Variants in CUX2 observed in about 807,000 individuals in gnomAD.
The protein encoded by CUX2 is homeobox protein cut-like 2.
A neutral mutation model predicts 144.8 loss-of-function variants in CUX2; 40 were observed. The observed-to-expected ratio is 0.28, with a 90% CI of 0.21 to 0.36. The LOEUF (loss-of-function observed/expected upper bound fraction) is 0.36. CUX2 is among the 10% of genes least tolerant of loss of function. CUX2 has a pLI of 1.00. For missense variants in CUX2, 1,615 were observed against 1,994.0 expected (o/e 0.81, Z 3.62); for synonymous variants, 827 against 875.6 (o/e 0.94, Z 0.98).
chr12:111,345,693 G>A (rs1447075611), intron 21 of CUX2, among the ~76,000 whole-genome samples: 2 of 137,576 alleles, frequency 1.5e-5, no homozygotes, highest in East Asian at 2.1e-4. Flanking sequence ...CCAAGATCGC[G>A]CCACTGCACT....
intron 18 of CUX2, among the ~76,000 whole-genome samples, chr12:111,328,065 A>G (rs1301816534): frequency 3.3e-5 from 5 of 152,014 alleles, no homozygotes; most frequent in East Asian, 1.9e-4. Flanking sequence ...CTCAAAAACA[A>G]TAATAATAAT....
In CUX2 at chr12:111,186,108, G is replaced by A. The variant is rs984797525; in HGVS notation, c.64-28092G>A. ...CTGCCCTCGCCCCCTTTCTGTCTCC[G>A]TCTCACTAGATTTCGCTTTCACGTC... On this transcript the variant is annotated intron_variant, in intron 1 of 21. Transcript: ENST00000261726. This position sits in a 1 kb window ranked among gnomAD's most constrained non-coding sequence, Gnocchi z 4.4. Among the ~76,000 whole-genome samples, 3 of 149,320 alleles carry A rather than the reference G, an allele frequency of 2.0e-5. No homozygotes were observed. The highest frequency in any genetic ancestry group is 4.4e-5 in the Non-Finnish European group (3 of 67,688).
intron 1 of CUX2, among the ~76,000 whole-genome samples, chr12:111,196,570 G>A (rs1050562043): frequency 1.3e-5 from 2 of 152,142 alleles, no homozygotes; most frequent in African/African-American, 4.8e-5. Flanking sequence ...ACTGGAGCTT[G>A]AAGAAATGAA....
chr12:111,115,665 T>G (rs1381789942), intron 1 of CUX2, among the ~76,000 whole-genome samples: 1 of 152,172 alleles, frequency 6.6e-6, no homozygotes, highest in Non-Finnish European at 1.5e-5. Context: ...AGGTGCCAGT[T>G]TAAGTGTTAT....
intron 16 of CUX2, among the ~76,000 whole-genome samples, chr12:111,313,411 G>A (rs1196899042): frequency 6.6e-5 from 10 of 151,146 alleles, no homozygotes; most frequent in African/African-American, 9.7e-5. Context: ...AGGCCGAGGC[G>A]GGCGGATCAC....
chr12:111,081,108 C>T (rs1330957433), intron 1 of CUX2, among the ~76,000 whole-genome samples: 1 of 152,128 alleles, frequency 6.6e-6, no homozygotes, highest in East Asian at 1.9e-4. Flanking sequence ...ACCCAGGCCT[C>T]AGCCCTCACC....
intron 1 of CUX2, among the ~76,000 whole-genome samples, chr12:111,038,059 T>G (rs916280040): frequency 3.3e-5 from 5 of 152,224 alleles, no homozygotes; most frequent in African/African-American, 1.2e-4. Flanking sequence ...CCAAGGAGTT[T>G]GGAGAAACTT....
chr12:111,044,429 G>C, intron 1 of CUX2, among the ~76,000 whole-genome samples: 1 of 150,418 alleles, frequency 6.6e-6, no homozygotes, highest in East Asian at 2.0e-4. Context: ...CCTCCTTGCT[G>C]TGCCTCAAAC....
chr12:111,310,322 G>A lies in CUX2; in HGVS notation c.1540G>A (p.Ala514Thr), dbSNP rs750912919. 10 of 1,511,088 alleles carry A rather than the reference G, an allele frequency of 6.6e-6. No individual in the cohort carries two copies. In the East Asian group the frequency reaches 7.2e-5, roughly 11 times the overall value. The allele number at this position is 1,511,088 out of a possible 1,614,324, so 93.6% of individuals were successfully genotyped here. The change falls in exon 15 of 22, where the codon GCC becomes ACC. Residue 514 changes from alanine to threonine, a missense_variant. This residue lies in a region of CUX2 where 154 missense variants were observed against 148.4 expected (regional missense o/e 1.04). Coordinates refer to ENST00000261726, the MANE Select transcript of CUX2 (RefSeq NM_015267.4). This position sits in a 1 kb window ranked among gnomAD's most constrained non-coding sequence, Gnocchi z 7.9. ...LLVFPPAFYG[A>T]KPPTAPATPA... ...GGTGTTCCCCCCAGCCTTCTATGGC[G>A]CCAAGCCCCCCACAGCCCCTGCCAC...
At chr12:111,296,569 T>TC in intron 8 of CUX2, 30 bp downstream of exon 8, 1 of 1,591,940 alleles carries the variant, frequency 6.3e-7, no homozygotes, top group Non-Finnish European at 8.6e-7. Flanking sequence ...GTGTACCTCC[T>TC]CCCTTGGAGG....
Position 111,320,937 on chromosome 12 carries a change from C to T in CUX2, c.2766+162C>T, listed in dbSNP as rs964940663. Among the ~76,000 whole-genome samples, 3 of 152,208 alleles carry T rather than the reference C, an allele frequency of 2.0e-5. No individual in the cohort carries two copies. The highest frequency in any genetic ancestry group is 7.2e-5 in the African/African-American group (3 of 41,458). On this transcript the variant is annotated intron_variant, in intron 17 of 21. Coordinates refer to ENST00000261726, the MANE Select transcript of CUX2 (RefSeq NM_015267.4). The surrounding 1 kb of genome is among the most constrained non-coding windows in gnomAD (Gnocchi z 8.1). ...CAGGAAGGAGGGCCACTGTTCTGCT[C>T]CGTGGTTGTTAAAACCAGGAAATGC...
intron 1 of CUX2, among the ~76,000 whole-genome samples, chr12:111,201,751 TCTTCCCA>T (rs1224524611): frequency 6.6e-6 from 1 of 152,200 alleles, no homozygotes; most frequent in Non-Finnish European, 1.5e-5. Flanking sequence ...CCACAGACTT[TCTTCCCA>T]CCCCCAGATG....
intron 1 of CUX2, among the ~76,000 whole-genome samples, chr12:111,110,440 G>T (rs560963602): frequency 1.3e-5 from 2 of 152,008 alleles, no homozygotes; most frequent in African/African-American, 2.4e-5. Flanking sequence ...ATATCCCTTC[G>T]CCAGAGTGAC....
rs4488258 is a variant in CUX2 at position 111,312,238 on chromosome 12, C to T, written c.2002+37C>T. On this transcript the variant is annotated intron_variant, in intron 16 of 21. Transcript: ENST00000261726. This position sits in a 1 kb window ranked among gnomAD's most constrained non-coding sequence, Gnocchi z 4.3. ...CCCTGCAGGCAAAGCCTGAGGCCCC[C>T]GGGGCCAGCTGCGAACAGGAGATGA... 3.0e-5 allele frequency: 46 copies of T among 1,539,886 alleles called. No individual in the cohort carries two copies. In the African/African-American group the frequency reaches 3.0e-4, roughly 10 times the overall value.
chr12:111,262,405 G>T (rs1884173697), intron 3 of CUX2, among the ~76,000 whole-genome samples: 1 of 149,678 alleles, frequency 6.7e-6, no homozygotes. Flanking sequence ...TTAAGATAGG[G>T]TCTCACTCTA....
chr12:111,047,850 C>T (rs1443085947), intron 1 of CUX2, among the ~76,000 whole-genome samples: 1 of 152,150 alleles, frequency 6.6e-6, no homozygotes, highest in Non-Finnish European at 1.5e-5. Context: ...ATGGAGGGGC[C>T]GCCTGTTTAT....
chr12:111,140,222 A>C (rs919128406), intron 1 of CUX2, among the ~76,000 whole-genome samples: 3 of 152,186 alleles, frequency 2.0e-5, no homozygotes, highest in Non-Finnish European at 2.9e-5. Context: ...AAACCCATTT[A>C]ACAACTTTCT....
intron 3 of CUX2, among the ~76,000 whole-genome samples, chr12:111,236,218 T>C (rs1038884224): frequency 2.6e-5 from 4 of 152,156 alleles, no homozygotes; most frequent in African/African-American, 9.7e-5. Flanking sequence ...GACCAAACAC[T>C]GGGCTAAGAA....
chr12:111,342,613 A>T (rs772851851), intron 21 of CUX2, among the ~76,000 whole-genome samples: 1 of 152,092 alleles, frequency 6.6e-6, no homozygotes, highest in Non-Finnish European at 1.5e-5. Context: ...AGCAGGATCT[A>T]CTTCATAGAG....
Sources: allele counts gnomAD v4.1 joint callset (sites outside exome capture counted in the v4.1 genomes callset), GRCh38; gene constraint gnomAD v4.1.1; regional missense constraint gnomAD v4.1.1; non-coding constraint Gnocchi (gnomAD v3.1); transcripts MANE v1.5; gene names NCBI Gene and HGNC (gene_info 2026-07-23, HGNC 2026-07-21).